PIEZO2: variants seen among roughly 807,000 people sequenced by gnomAD.
PIEZO2 encodes piezo-type mechanosensitive ion channel component 2.
In PIEZO2, 172 loss-of-function variants were observed where a neutral mutation model predicts 337.3. The ratio of observed to expected loss-of-function variants is 0.51; its 90% confidence interval spans 0.45 to 0.58. The LOEUF is 0.58. Ranked by LOEUF, PIEZO2 falls within the 20% of genes least tolerant of loss-of-function variation. The probability of loss-of-function intolerance (pLI) is 0.00; values close to 1 mark genes in which losing one functional copy is unlikely to be tolerated. For missense variants in PIEZO2, 3,028 were observed against 3,391.3 expected (o/e 0.89, Z 2.66); for synonymous variants, 1,251 against 1,228.5 (o/e 1.02, Z -0.38).
Position 10,736,658 on chromosome 18 carries a change from TTCC to T in PIEZO2, c.4758_4760del (p.Glu1590del), listed in dbSNP as rs2037007392. On this transcript the variant is annotated inframe_deletion, in exon 34 of 56. Coordinates refer to ENST00000674853, the MANE Select transcript of PIEZO2 (RefSeq NM_001378183.1). ...CATCTTCCTTCTTTAATTCTTCCTCTTCCTCCTCTTCACTATCCGTTTCAAACA... is the reference window on the plus strand; with the variant it reads ...CATCTTCCTTCTTTAATTCTTCCTCTTCCTCTTCACTATCCGTTTCAAACA... 1 of 1,537,072 alleles carries T rather than the reference TTCC, an allele frequency of 6.5e-7. No homozygotes were observed. Among genetic ancestry groups the T allele is most frequent in the Admixed American group, 2.0e-5 (1 of 50,998 alleles).
chr18:11,050,692 A>C (rs143146505), intron 2 of PIEZO2, among the ~76,000 whole-genome samples: 43 of 152,140 alleles, frequency 2.8e-4, no homozygotes, highest in African/African-American at 1.0e-3. Context: ...TCTGCTAAAA[A>C]TTTCACTTGG....
intron 3 of PIEZO2, among the ~76,000 whole-genome samples, chr18:10,935,807 C>T (rs2032360069): frequency 1.3e-5 from 2 of 152,198 alleles, no homozygotes; most frequent in African/African-American, 2.4e-5. Context: ...CTGCTCCTGC[C>T]TCGCCAGCAG....
rs1371239833 is a variant in PIEZO2, at chr18:10,945,889, G to C, written c.286+33646C>G. Among the ~76,000 whole-genome samples the C allele has an allele frequency of 6.6e-6, 1 of 152,120 alleles. No individual in the cohort carries two copies. The highest frequency in any genetic ancestry group is 1.5e-5 in the Non-Finnish European group (1 of 68,026). Reference sequence around the variant, plus strand: ...TGAAATTGAAAACACACTGAATGGGGATTAAAAGCAGATTAGACACTGCAA... The same window carrying C: ...TGAAATTGAAAACACACTGAATGGGCATTAAAAGCAGATTAGACACTGCAA... On this transcript the variant is annotated intron_variant, in intron 3 of 55. Transcript: ENST00000674853. This position sits in a 1 kb window ranked among gnomAD's most constrained non-coding sequence, Gnocchi z 4.0.
rs917319595 is a variant in PIEZO2, at chr18:10,697,770, C to A, written c.6805G>T (p.Ala2269Ser). 4 of 1,614,094 alleles carry A rather than the reference C, an allele frequency of 2.5e-6. No individual in the cohort carries two copies. The highest frequency in any genetic ancestry group is 3.4e-6 in the Non-Finnish European group (4 of 1,180,032). ...MEKLQEHLIK[A>S]KAFTIKKTLE... Reference sequence around the variant, plus strand: ...CACTTCTTTATGGTAAAGGCTTTTGCTTTGATTAAATGTTCTTGAAGCTTT... The same window carrying A: ...CACTTCTTTATGGTAAAGGCTTTTGATTTGATTAAATGTTCTTGAAGCTTT... The change falls in exon 45 of 56, where the codon GCA (alanine) becomes TCA (serine). Residue 2269 changes from alanine to serine, a missense_variant. By Grantham distance (99) the Ala-to-Ser change is moderately conservative. Coordinates refer to ENST00000674853, the MANE Select transcript of PIEZO2 (RefSeq NM_001378183.1).
intron 3 of PIEZO2, among the ~76,000 whole-genome samples, chr18:10,924,241 G>A (rs187169495): frequency 4.0e-4 from 61 of 152,220 alleles, no homozygotes; most frequent in East Asian, 3.5e-3. Flanking sequence ...TTAATTTGGC[G>A]CACCGTTATG....
Position 10,861,607 on chromosome 18 carries a change from G to T in PIEZO2, c.493-4396C>A, listed in dbSNP as rs2041874741. On this transcript the variant is annotated intron_variant, in intron 5 of 55. Transcript: ENST00000674853. The surrounding 1 kb of genome is among the most constrained non-coding windows in gnomAD (Gnocchi z 4.3). The stretch of plus-strand genomic sequence containing the variant: ...TAGTTACCAGAGGCTGGGGAAGGAG[G>T]CCAGGGACCTGGAAAGGGCAGATGC... 6.6e-6 allele frequency among the ~76,000 whole-genome samples: 1 copy of T among 152,224 alleles called. No homozygotes were observed.
Position 10,853,567 on chromosome 18 carries a change from A to G in PIEZO2, c.917+1786T>C, listed in dbSNP as rs1304308520. 6.6e-6 allele frequency among the ~76,000 whole-genome samples: 1 copy of G among 152,162 alleles called. No homozygotes were observed. The highest frequency in any genetic ancestry group is 1.9e-4 in the East Asian group (1 of 5,194). ...TCAGATGTGTTTCACTGCTAACATT[A>G]CCATTTCTGTCCCCTTTCTTTTTTC... is the stretch of plus-strand genomic sequence containing the variant. On this transcript the variant is annotated intron_variant, in intron 7 of 55. Coordinates refer to ENST00000674853, the MANE Select transcript of PIEZO2 (RefSeq NM_001378183.1). The surrounding 1 kb of genome is among the most constrained non-coding windows in gnomAD (Gnocchi z 4.2).
chr18:10,717,838 T>A, intron 37 of PIEZO2, among the ~76,000 whole-genome samples: 1 of 152,172 alleles, frequency 6.6e-6, no homozygotes, highest in Admixed American at 6.5e-5. Context: ...ATTTACCTCC[T>A]CCTCTCTGTG....
Position 11,078,119 on chromosome 18 carries a change from ACCATACACACACATACACACACACT to A in PIEZO2, c.65-11922_65-11898del, listed in dbSNP as rs905683013. On this transcript the variant is annotated intron_variant, in intron 1 of 55. Transcript: ENST00000674853. The surrounding 1 kb of genome is among the most constrained non-coding windows in gnomAD (Gnocchi z 5.3). ...CACACAAACACATACACATATACACACCATACACACACATACACACACACTCACCACACACACACATACACACACC... is the reference window on the plus strand; with the variant it reads ...CACACAAACACATACACATATACACACACCACACACACACATACACACACC... 7.7e-6 allele frequency among the ~76,000 whole-genome samples: 1 copy of A among 130,714 alleles called. No individual in the cohort carries two copies. The highest frequency in any genetic ancestry group is 4.0e-5 in the African/African-American group (1 of 24,860). 85.8% of individuals were successfully genotyped at this position (130,714 alleles called of 152,430 possible).
intron 1 of PIEZO2, among the ~76,000 whole-genome samples, chr18:11,067,012 A>C (rs1034276426): frequency 7.9e-5 from 12 of 152,250 alleles, no homozygotes; most frequent in Non-Finnish European, 1.8e-4. Context: ...GCAAAAACCT[A>C]TAGTAGATAC....
intron 21 of PIEZO2, among the ~76,000 whole-genome samples, chr18:10,768,184 C>T (rs1040846972): frequency 8.5e-5 from 13 of 152,226 alleles, no homozygotes; most frequent in South Asian, 2.1e-4. Flanking sequence ...ACCCGAGTCT[C>T]GATGATTCTC....
At chr18:10,992,796 T>C (rs1484916965) in intron 2 of PIEZO2, among the ~76,000 whole-genome samples, 6 of 152,220 alleles carry the variant, frequency 3.9e-5, no homozygotes, top group Non-Finnish European at 7.3e-5. Context: ...GGGGATAGCA[T>C]TGAATCTATA....
rs568367325 is a variant in PIEZO2 at position 10,979,296 on chromosome 18, G to T, written c.286+239C>A. On this transcript the variant is annotated intron_variant, in intron 3 of 55. Coordinates refer to ENST00000674853, the MANE Select transcript of PIEZO2 (RefSeq NM_001378183.1). The surrounding 1 kb of genome is among the most constrained non-coding windows in gnomAD (Gnocchi z 4.0). ...ATGAAAATGTCTTACATGCAGATAG[G>T]AGGTGATCTCCAATACATGCTGAAG... Among the ~76,000 whole-genome samples, 8 of 151,852 alleles carry T rather than the reference G, an allele frequency of 5.3e-5. No homozygotes were observed. The South Asian group carries it at 1.5e-3, about 28-fold the overall frequency.
At chr18:10,822,340 G>A (rs1245499984) in intron 7 of PIEZO2, among the ~76,000 whole-genome samples, 1 of 146,986 alleles carries the variant, frequency 6.8e-6, no homozygotes, top group Non-Finnish European at 1.5e-5. Flanking sequence ...GAAATAAATA[G>A]CTGAAACTTT....
In PIEZO2 at chr18:11,003,396, G is replaced by T. The variant is rs182955820; in HGVS notation, c.161-23736C>A. ...AAAACAATTAAACCATAGTCGAGTTGATCTAAAGAAGAGTTAAATTCCTAA... is the reference window on the plus strand; with the variant it reads ...AAAACAATTAAACCATAGTCGAGTTTATCTAAAGAAGAGTTAAATTCCTAA... On this transcript the variant is annotated intron_variant, in intron 2 of 55. Coordinates refer to ENST00000674853, the MANE Select transcript of PIEZO2 (RefSeq NM_001378183.1). The surrounding 1 kb of genome is among the most constrained non-coding windows in gnomAD (Gnocchi z 4.6). Among the ~76,000 whole-genome samples the T allele has an allele frequency of 4.6e-5, 7 of 152,246 alleles. 2 individuals carry two copies. The East Asian group carries it at 1.4e-3, about 29-fold the overall frequency.
At chr18:10,932,538 C>T (rs2032154915) in intron 3 of PIEZO2, among the ~76,000 whole-genome samples, 1 of 152,156 alleles carries the variant, frequency 6.6e-6, no homozygotes, top group Non-Finnish European at 1.5e-5. Flanking sequence ...ACCCATGGTC[C>T]TAGCCTTCTG....
rs1253778479 is a variant in PIEZO2, at chr18:11,083,654, C to T, written c.65-17432G>A. Among the ~76,000 whole-genome samples the T allele has an allele frequency of 1.3e-5, 2 of 152,100 alleles. No homozygotes were observed. The highest frequency in any genetic ancestry group is 2.9e-5 in the Non-Finnish European group (2 of 68,030). ...AGGGCACAGAGTTTTGCCTTTAATCCGATGTGAGGTAGAATCATTTAGGAC... is the reference window on the plus strand; with the variant it reads ...AGGGCACAGAGTTTTGCCTTTAATCTGATGTGAGGTAGAATCATTTAGGAC... On this transcript the variant is annotated intron_variant, in intron 1 of 55. Transcript: ENST00000674853. The surrounding 1 kb of genome is among the most constrained non-coding windows in gnomAD (Gnocchi z 4.4).
At chr18:11,145,941 G>A (rs546667076) in intron 1 of PIEZO2, among the ~76,000 whole-genome samples, 2 of 152,228 alleles carry the variant, frequency 1.3e-5, no homozygotes, top group East Asian at 3.9e-4. Flanking sequence ...TCCTAGGGCA[G>A]GGGAAAGCAA....
chr18:10,734,677 G>A (rs542855973), intron 35 of PIEZO2, among the ~76,000 whole-genome samples: 1 of 152,344 alleles, frequency 6.6e-6, no homozygotes, highest in South Asian at 2.1e-4. Context: ...TTTTGACAGT[G>A]TACTCAAAAG....
Sources: allele counts gnomAD v4.1 joint callset (sites outside exome capture counted in the v4.1 genomes callset), GRCh38; gene constraint gnomAD v4.1.1; non-coding constraint Gnocchi (gnomAD v3.1); transcripts MANE v1.5; gene names NCBI Gene and HGNC (gene_info 2026-07-23, HGNC 2026-07-21).